MTPN: variants seen among roughly 807,000 people sequenced by gnomAD.
The protein encoded by MTPN is myotrophin.
A neutral mutation model predicts 13.5 loss-of-function variants in MTPN; 2 were observed. The ratio of observed to expected loss-of-function variants is 0.15; its 90% confidence interval spans 0.06 to 0.47. MTPN has a LOEUF of 0.47. Among genes scored for constraint, MTPN ranks in the 20% least tolerant of loss-of-function variants. MTPN has a pLI of 0.97. For synonymous variants in MTPN, 46 were observed against 51.7 expected (o/e 0.89, Z 0.48); for missense variants, 79 against 137.9 (o/e 0.57, Z 2.14).
chr7:135,964,289 C>T (rs1275554172), intron 1 of MTPN, among the ~76,000 whole-genome samples: 2 of 152,098 alleles, frequency 1.3e-5, no homozygotes, highest in African/African-American at 2.4e-5. Flanking sequence ...ACCATCTTAT[C>T]TGCTGTATGT....
At chr7:135,957,513 A>G (rs1190751882) in intron 1 of MTPN, among the ~76,000 whole-genome samples, 1 of 152,198 alleles carries the variant, frequency 6.6e-6, no homozygotes, top group East Asian at 1.9e-4. Context: ...GAAAGAAAAA[A>G]AAAAGTGACA....
intron 1 of MTPN, among the ~76,000 whole-genome samples, chr7:135,953,124 C>T (rs1448971340): frequency 1.3e-5 from 2 of 152,158 alleles, no homozygotes; most frequent in Non-Finnish European, 2.9e-5. Flanking sequence ...ACTCCCCTTC[C>T]CCTTTGTCAC....
At chr7:135,930,332 A>G (rs1046848353) in intron 3 of MTPN, among the ~76,000 whole-genome samples, 2 of 152,204 alleles carry the variant, frequency 1.3e-5, no homozygotes, top group Non-Finnish European at 2.9e-5. Context: ...TAAAAATAAT[A>G]TCCCTATGTG....
intron 1 of MTPN, among the ~76,000 whole-genome samples, chr7:135,964,232 T>C (rs556047536): frequency 6.6e-6 from 1 of 152,182 alleles, no homozygotes; most frequent in South Asian, 2.1e-4. Context: ...GTGTTATCCA[T>C]ATTTCATGTA....
chr7:135,942,248 A>G (rs1196413546), intron 3 of MTPN, among the ~76,000 whole-genome samples: 1 of 152,176 alleles, frequency 6.6e-6, no homozygotes, highest in Admixed American at 6.5e-5. Flanking sequence ...GTATGTCCAC[A>G]CTTGAAAGAA....
intron 1 of MTPN, among the ~76,000 whole-genome samples, chr7:135,953,749 T>C (rs1196315331): frequency 6.6e-6 from 1 of 152,180 alleles, no homozygotes; most frequent in African/African-American, 2.4e-5. Flanking sequence ...ACATGTGTAT[T>C]TCAAATATAT....
chr7:135,934,163 T>C (rs1201437465), intron 3 of MTPN, among the ~76,000 whole-genome samples: 1 of 152,148 alleles, frequency 6.6e-6, no homozygotes, highest in African/African-American at 2.4e-5. Context: ...AACCAATCTG[T>C]TACTCTTAAG....
chr7:135,936,823 G>C (rs532186227), intron 3 of MTPN, among the ~76,000 whole-genome samples: 13 of 152,168 alleles, frequency 8.5e-5, no homozygotes, highest in Non-Finnish European at 1.5e-4. Context: ...CAGACAGGCT[G>C]TTTGTCATTC....
chr7:135,946,374 C>A (rs1419243083), intron 3 of MTPN, among the ~76,000 whole-genome samples: 1 of 152,190 alleles, frequency 6.6e-6, no homozygotes, highest in South Asian at 2.1e-4. Context: ...TACACACTCA[C>A]CTTGTAGCAC....
chr7:135,977,306 G>A lies in MTPN; in HGVS notation c.-206C>T, dbSNP rs1489038665. On this transcript the variant is annotated 5_prime_UTR_variant, in exon 1 of 4. Transcript: ENST00000393085. ...GAAAGAAAGTTCTTTTGCGGCCACCGGGCCCAGCAGAGAGGTTCCGCCTGG... is the reference window on the plus strand; with the variant it reads ...GAAAGAAAGTTCTTTTGCGGCCACCAGGCCCAGCAGAGAGGTTCCGCCTGG... 4.5e-5 allele frequency: 27 copies of A among 601,266 alleles called. 1 individual carries two copies. In the South Asian group the frequency reaches 4.7e-4, roughly 11 times the overall value. The allele number at this position is 601,266 out of a possible 1,614,324, so 37.2% of individuals were successfully genotyped here. A position where few individuals can be genotyped will look rare whatever the true frequency, so the allele number is the denominator to read the frequency against.
intron 1 of MTPN, among the ~76,000 whole-genome samples, chr7:135,951,902 T>G (rs1799368912): frequency 6.6e-6 from 1 of 152,208 alleles, no homozygotes; most frequent in Non-Finnish European, 1.5e-5. Flanking sequence ...CCTCCATTTC[T>G]AAGGAGTTCA....
intron 1 of MTPN, among the ~76,000 whole-genome samples, chr7:135,961,090 A>C (rs1347171537): frequency 6.6e-6 from 1 of 152,120 alleles, no homozygotes; most frequent in African/African-American, 2.4e-5. Context: ...AAGAAAACTC[A>C]ATTAAGTAAA....
chr7:135,943,614 G>C (rs547028288), intron 3 of MTPN, among the ~76,000 whole-genome samples: 1 of 152,280 alleles, frequency 6.6e-6, no homozygotes, highest in South Asian at 2.1e-4. Context: ...TAAGAATGCA[G>C]TTGAGTATAC....
chr7:135,968,722 T>C (rs1799643098), intron 1 of MTPN, among the ~76,000 whole-genome samples: 1 of 146,178 alleles, frequency 6.8e-6, no homozygotes, highest in Non-Finnish European at 1.5e-5. Context: ...GATCCCAGCA[T>C]TCCAGAAAAA....
intron 1 of MTPN, among the ~76,000 whole-genome samples, chr7:135,965,623 G>A (rs917145376): frequency 6.6e-6 from 1 of 152,078 alleles, no homozygotes; most frequent in South Asian, 2.1e-4. Flanking sequence ...ACTGTATAGT[G>A]TTAACAATTC....
At chr7:135,945,329 C>T (rs1028535174) in intron 3 of MTPN, among the ~76,000 whole-genome samples, 3 of 152,144 alleles carry the variant, frequency 2.0e-5, no homozygotes, top group African/African-American at 7.2e-5. Flanking sequence ...CCTTAGCTCA[C>T]TGTAACTTTT....
chr7:135,954,330 A>G (rs1277884521), intron 1 of MTPN, among the ~76,000 whole-genome samples: 2 of 152,264 alleles, frequency 1.3e-5, no homozygotes, highest in Admixed American at 6.5e-5. Flanking sequence ...AGGTTTCTGC[A>G]TAATGGTTGA....
intron 1 of MTPN, among the ~76,000 whole-genome samples, chr7:135,956,395 A>G (rs1281428480): frequency 6.6e-6 from 1 of 152,248 alleles, no homozygotes; most frequent in Non-Finnish European, 1.5e-5. Flanking sequence ...GGGATAGAGA[A>G]GAGAGATACA....
chr7:135,937,993 G>A (rs975302393), intron 3 of MTPN, among the ~76,000 whole-genome samples: 3 of 152,116 alleles, frequency 2.0e-5, no homozygotes, highest in Non-Finnish European at 4.4e-5. Flanking sequence ...TGCTTCCGGT[G>A]AACAGTAAGC....
Sources: gnomAD v4.1 joint callset for allele counts (sites outside exome capture counted in the v4.1 genomes callset) on GRCh38, gnomAD v4.1.1 for gene constraint, MANE v1.5 for transcripts, NCBI Gene and HGNC (gene_info 2026-07-23, HGNC 2026-07-21) for gene names.